The following HIVEP2 variants were observed in gnomAD, a reference collection of about 807,000 sequenced individuals.
The protein encoded by HIVEP2 is transcription factor HIVEP2.
HIVEP2 carries 14 observed loss-of-function variants against 180.7 expected under a neutral mutation model. The ratio of observed to expected loss-of-function variants is 0.08; its 90% CI spans 0.05 to 0.12. The LOEUF is 0.12. Among genes scored for constraint, HIVEP2 ranks in the 10% least tolerant of loss-of-function variants. The probability of loss-of-function intolerance (pLI) is 1.00; values close to 1 mark genes in which losing one functional copy is unlikely to be tolerated. For synonymous variants in HIVEP2, 1,184 were observed against 1,136.4 expected, an observed-to-expected ratio of 1.04 and a Z score of -0.84; for missense variants, 2,579 against 3,008.5, an observed-to-expected ratio of 0.86 and a Z score of 3.34.
chr6:142,823,019 A>T (rs1287633863), intron 2 of HIVEP2, among the ~76,000 whole-genome samples: 1 of 152,236 alleles, frequency 6.6e-6, no homozygotes, highest in Non-Finnish European at 1.5e-5. Flanking sequence ...CTAGGATTCC[A>T]GCAAGGGAGA....
Position 142,760,525 on chromosome 6 carries a change from A to C in HIVEP2, c.5763T>G (p.Phe1921Leu), listed in dbSNP as rs781029613. 6.2e-7 allele frequency: 1 copy of C among 1,614,116 alleles called. No individual in the cohort carries two copies. Among genetic ancestry groups the C allele is most frequent in the South Asian group, 1.1e-5 (1 of 91,080 alleles). ...TTGGTGTTAAATCTCCCTGGTCGTC[A>C]AAGTCATCTTCATCTTCATCATCAT... is the stretch of plus-strand genomic sequence containing the variant. Reference protein sequence around the residue: ...NDDDDEDEDDFDDQGDLTPKT... With the variant: ...NDDDDEDEDDLDDQGDLTPKT... The change falls in exon 9 of 10, where the codon TTT becomes TTG. Residue 1921 changes from phenylalanine to leucine, a missense_variant. Around this residue, in one of 11 missense-constraint regions of HIVEP2, gnomAD observed 660 missense variants for 731.7 expected, o/e 0.90. Transcript: ENST00000367603.
chr6:142,778,308 A>C (rs1775757077), intron 3 of HIVEP2, among the ~76,000 whole-genome samples: 1 of 152,248 alleles, frequency 6.6e-6, no homozygotes, highest in Admixed American at 6.5e-5. Flanking sequence ...AACAAGAAGA[A>C]GACACAATGT....
intron 2 of HIVEP2, among the ~76,000 whole-genome samples, chr6:142,826,916 G>A (rs112591167): frequency 2.6e-5 from 4 of 152,178 alleles, no homozygotes; most frequent in East Asian, 3.9e-4. Context: ...GTCAGCTGCC[G>A]GCCTGGGATA....
intron 1 of HIVEP2, among the ~76,000 whole-genome samples, chr6:142,853,201 T>C (rs1443148124): frequency 6.6e-6 from 1 of 152,164 alleles, no homozygotes; most frequent in Non-Finnish European, 1.5e-5. Context: ...TTACCAGATA[T>C]CTATTTTTTT....
At chr6:142,848,472 C>T (rs1289111237) in intron 1 of HIVEP2, among the ~76,000 whole-genome samples, 1 of 152,094 alleles carries the variant, frequency 6.6e-6, no homozygotes, top group Admixed American at 6.6e-5. Context: ...GTAATCTCAG[C>T]ACTTTGGGAA....
intron 1 of HIVEP2, among the ~76,000 whole-genome samples, chr6:142,923,244 T>C (rs776394873): frequency 1.3e-5 from 2 of 151,928 alleles, no homozygotes; most frequent in African/African-American, 2.4e-5. Context: ...AGGTAGGGAA[T>C]TGCTTGAATC....
At chr6:142,792,947 TAGA>T (rs1267996934) in intron 2 of HIVEP2, among the ~76,000 whole-genome samples, 1 of 151,904 alleles carries the variant, frequency 6.6e-6, no homozygotes, top group Admixed American at 6.6e-5. Context: ...CTCAGAAAAG[TAGA>T]AGGTGAGGTC....
intron 7 of HIVEP2, among the ~76,000 whole-genome samples, chr6:142,761,801 A>T (rs1775246249): frequency 6.6e-6 from 1 of 152,220 alleles, no homozygotes; most frequent in South Asian, 2.1e-4. Flanking sequence ...TCTAGAAGAT[A>T]TGTGGAAGTC....
chr6:142,814,461 A>C (rs1776781821), intron 2 of HIVEP2, among the ~76,000 whole-genome samples: 1 of 152,154 alleles, frequency 6.6e-6, no homozygotes, highest in Non-Finnish European at 1.5e-5. Flanking sequence ...GCAATAGTTC[A>C]GGGAGATATG....
chr6:142,889,814 C>T (rs1776809643), intron 1 of HIVEP2, among the ~76,000 whole-genome samples: 1 of 152,208 alleles, frequency 6.6e-6, no homozygotes, highest in Admixed American at 6.5e-5. Context: ...GTCCACTAGA[C>T]AGGTATCTAT....
In HIVEP2 at chr6:142,808,304, T is replaced by C. The variant is rs759125493; in HGVS notation, c.-527-24689A>G. Among the ~76,000 whole-genome samples, 3 of 152,030 alleles carry C rather than the reference T, an allele frequency of 2.0e-5. No individual in the cohort carries two copies. In the South Asian group the frequency reaches 6.2e-4, roughly 32 times the overall value. On this transcript the variant is annotated intron_variant, in intron 2 of 9. Transcript: ENST00000367603. ...ATACACAAGAAATGCTCTGTAAATA[T>C]GTCTGTGGGTGAATGGATGGAAGGA...
chr6:142,918,481 CG>C (rs1224710096), intron 1 of HIVEP2, among the ~76,000 whole-genome samples: 9 of 152,240 alleles, frequency 5.9e-5, no homozygotes, highest in Non-Finnish European at 1.3e-4. Context: ...TAACAGACCG[CG>C]TGCCTCCTAA....
chr6:142,860,395 C>G (rs1354823775), intron 1 of HIVEP2, among the ~76,000 whole-genome samples: 1 of 152,194 alleles, frequency 6.6e-6, no homozygotes, highest in Admixed American at 6.5e-5. Flanking sequence ...GACAATTTTT[C>G]CATGGACTGG....
At chr6:142,902,586 C>T (rs1254229332) in intron 1 of HIVEP2, among the ~76,000 whole-genome samples, 1 of 152,190 alleles carries the variant, frequency 6.6e-6, no homozygotes, top group Non-Finnish European at 1.5e-5. Context: ...TTCTTCTTCT[C>T]TTTTGATGCT....
chr6:142,771,227 A>G lies in HIVEP2; in HGVS notation c.3512T>C (p.Leu1171Ser), dbSNP rs757974791. The part of the protein sequence containing the change: ...MDSQESLRNP[L>S]IQPTSYMTSK... ...TGTCATATAGGATGTTGGTTGGATCAAGGGATTTCTCAAAGATTCCTGACT... is the reference window on the plus strand; with the variant it reads ...TGTCATATAGGATGTTGGTTGGATCGAGGGATTTCTCAAAGATTCCTGACT... Residue 1171 changes from leucine (L) to serine (S), a missense_variant, in exon 5 of 10, where the codon TTG becomes TCG. Physicochemically the swap from Leu to Ser is moderately radical, Grantham distance 145. Transcript: ENST00000367603. This position sits in a 1 kb window ranked among gnomAD's most constrained non-coding sequence, Gnocchi z 5.4. 1.3e-5 allele frequency: 21 copies of G among 1,614,162 alleles called. No homozygotes were observed. In the South Asian group the frequency reaches 2.1e-4, roughly 16 times the overall value.
chr6:142,776,981 G>A (rs781638745), intron 3 of HIVEP2, among the ~76,000 whole-genome samples: 2 of 152,096 alleles, frequency 1.3e-5, no homozygotes, highest in Non-Finnish European at 2.9e-5. Context: ...CTAAGTAATC[G>A]TTCAATTTTA....
chr6:142,884,231 G>T (rs1262974338), intron 1 of HIVEP2, among the ~76,000 whole-genome samples: 1 of 151,922 alleles, frequency 6.6e-6, no homozygotes, highest in African/African-American at 2.4e-5. Flanking sequence ...TCCTAGGAGG[G>T]AAACCATTAA....
chr6:142,935,673 T>G (rs753708697), intron 1 of HIVEP2, among the ~76,000 whole-genome samples: 1 of 152,118 alleles, frequency 6.6e-6, no homozygotes, highest in East Asian at 1.9e-4. Context: ...CATCTTATAG[T>G]GTGGCAGGTG....
intron 8 of HIVEP2, among the ~76,000 whole-genome samples, chr6:142,761,026 G>A (rs986141693): frequency 3.3e-5 from 5 of 152,192 alleles, no homozygotes; most frequent in South Asian, 2.1e-4. Flanking sequence ...AGGTACAAAC[G>A]TATGTCTAAG....
Sources: allele counts gnomAD v4.1 joint callset (sites outside exome capture counted in the v4.1 genomes callset), GRCh38; gene constraint gnomAD v4.1.1; regional missense constraint gnomAD v4.1.1; non-coding constraint Gnocchi (gnomAD v3.1); transcripts MANE v1.5; gene names NCBI Gene and HGNC (gene_info 2026-07-23, HGNC 2026-07-21).